JAK1: variants seen among roughly 807,000 people sequenced by gnomAD.
JAK1 encodes the protein tyrosine-protein kinase JAK1.
A neutral mutation model predicts 136.6 loss-of-function variants in JAK1; 16 were observed. The observed-to-expected ratio is 0.12, with a 90% CI of 0.08 to 0.18. JAK1 has a LOEUF of 0.18. Among genes scored for constraint, JAK1 ranks in the 10% least tolerant of loss-of-function variants. The pLI, the probability that JAK1 is intolerant of heterozygous loss-of-function variation, is 1.00. For missense variants in JAK1, 859 were observed against 1,450.1 expected, an observed-to-expected ratio of 0.59 and a Z score of 6.62; for synonymous variants, 492 against 519.5, an observed-to-expected ratio of 0.95 and a Z score of 0.72.
intron 15 of JAK1, 126 bp from the exon 16 acceptor site, chr1:64,845,015 G>T: frequency 1.6e-6 from 2 of 1,283,098 alleles, no homozygotes; most frequent in South Asian, 2.7e-5. Flanking sequence ...TGGCCCTGCT[G>T]CCAATCATCT....
chr1:65,061,874 A>AT lies in JAK1; in HGVS notation c.-181+5729_-181+5730insA, dbSNP rs532165126. Reference sequence around the variant, plus strand: ...CTCTTTTATGGAAAAAGAAATAGGCAGAAAGGCAAGAAAATGTCAAGGACC... The same window carrying AT: ...CTCTTTTATGGAAAAAGAAATAGGCATGAAAGGCAAGAAAATGTCAAGGACC... On this transcript the variant is annotated intron_variant, in intron 1 of 25. Coordinates refer to the JAK1 transcript ENST00000671954. Among the ~76,000 whole-genome samples, 81 of 152,354 alleles carry AT rather than the reference A, an allele frequency of 5.3e-4. 1 individual carries two copies. In the South Asian group the frequency reaches 0.017, roughly 32 times the overall value.
chr1:64,947,893 A>G (rs1318052737), intron 1 of JAK1, among the ~76,000 whole-genome samples: 2 of 152,150 alleles, frequency 1.3e-5, no homozygotes, highest in Non-Finnish European at 2.9e-5. Context: ...TCTATACTAT[A>G]TAATATAGAG....
At chr1:65,038,613 G>C (rs1647099179) in intron 2 of JAK1, among the ~76,000 whole-genome samples, 1 of 151,968 alleles carries the variant, frequency 6.6e-6, no homozygotes, top group South Asian at 2.1e-4. Context: ...TAACTTTTAT[G>C]TCAAACCTCC....
intron 10 of JAK1, among the ~76,000 whole-genome samples, chr1:64,856,671 G>T (rs571643425): frequency 6.6e-6 from 1 of 152,284 alleles, no homozygotes; most frequent in Non-Finnish European, 1.5e-5. Flanking sequence ...AAGCATTCTG[G>T]GAAGGCAATG....
At chr1:64,862,945 G>A (rs1442646061) in intron 8 of JAK1, among the ~76,000 whole-genome samples, 1 of 152,158 alleles carries the variant, frequency 6.6e-6, no homozygotes, top group African/African-American at 2.4e-5. Context: ...GTTCTTACAA[G>A]GACTAAGACA....
At chr1:64,983,259 T>G (rs2100701670) in intron 2 of JAK1, among the ~76,000 whole-genome samples, 1 of 152,254 alleles carries the variant, frequency 6.6e-6, no homozygotes, top group South Asian at 2.1e-4. Flanking sequence ...CACTGCACAC[T>G]GACTCATACT....
At chr1:64,936,686 G>T (rs752124953) in intron 1 of JAK1, among the ~76,000 whole-genome samples, 3 of 152,122 alleles carry the variant, frequency 2.0e-5, no homozygotes, top group Non-Finnish European at 4.4e-5. Flanking sequence ...ATCCTAAAAA[G>T]CAGGAAAACA....
intron 1 of JAK1, among the ~76,000 whole-genome samples, chr1:65,052,437 GGAGGCCGAGGCAGGTGGATCACCT>G (rs752215029): frequency 3.3e-5 from 5 of 152,096 alleles, no homozygotes; most frequent in Non-Finnish European, 7.4e-5. Context: ...CAGCACTTTG[GGAGGCCGAGGCAGGTGGATCACCT>G]GAGGTCGGCA....
At chr1:64,926,215 A>G (rs577246327) in intron 1 of JAK1, among the ~76,000 whole-genome samples, 35 of 152,152 alleles carry the variant, frequency 2.3e-4, no homozygotes, top group Admixed American at 2.0e-3. Context: ...CCTCTCTCCT[A>G]CGGCCAGTGC....
chr1:64,882,448 A>G (rs2101253420), intron 3 of JAK1, among the ~76,000 whole-genome samples: 1 of 152,362 alleles, frequency 6.6e-6, no homozygotes, highest in South Asian at 2.1e-4. Flanking sequence ...TAATTTACAT[A>G]TTATAAAATT....
chr1:64,976,834 C>T (rs909720089), intron 2 of JAK1, among the ~76,000 whole-genome samples: 3 of 152,118 alleles, frequency 2.0e-5, no homozygotes, highest in African/African-American at 7.2e-5. Context: ...AGGTTAACAA[C>T]CACCTTTTCC....
chr1:64,999,331 A>C (rs1254639547), intron 2 of JAK1, among the ~76,000 whole-genome samples: 1 of 152,302 alleles, frequency 6.6e-6, no homozygotes, highest in Admixed American at 6.5e-5. Flanking sequence ...ATTTGAACAC[A>C]TACCTGGGCA....
chr1:64,899,552 C>A (rs1034937205), intron 1 of JAK1, among the ~76,000 whole-genome samples: 2 of 152,062 alleles, frequency 1.3e-5, no homozygotes, highest in Admixed American at 6.6e-5. Flanking sequence ...CAACCCAAAT[C>A]AAAAAATCTG....
intron 1 of JAK1, among the ~76,000 whole-genome samples, chr1:64,935,629 A>G (rs750948855): frequency 5.3e-5 from 8 of 152,116 alleles, no homozygotes; most frequent in Admixed American, 1.3e-4. Context: ...CAACTCTCCA[A>G]CAACCTGTCC....
upstream of JAK1, among the ~76,000 whole-genome samples, chr1:64,970,532 G>T (rs1200034250): frequency 6.6e-6 from 1 of 152,102 alleles, no homozygotes; most frequent in East Asian, 1.9e-4. Flanking sequence ...AAGGCAGGTG[G>T]ATCACCTGAC....
At chr1:64,916,663 C>A (rs1304236509) in intron 1 of JAK1, among the ~76,000 whole-genome samples, 1 of 151,868 alleles carries the variant, frequency 6.6e-6, no homozygotes, top group African/African-American at 2.4e-5. Flanking sequence ...CATAGTGAAA[C>A]CCTGTCTCTG....
chr1:64,953,659 A>T (rs537182118), intron 1 of JAK1, among the ~76,000 whole-genome samples: 32 of 151,992 alleles, frequency 2.1e-4, no homozygotes, highest in African/African-American at 7.7e-4. Context: ...AAAAACAAAA[A>T]ATTTTTTTTT....
chr1:64,987,764 G>C (rs1646613605), intron 2 of JAK1: 1 of 152,210 alleles, frequency 6.6e-6, no homozygotes, highest in Non-Finnish European at 1.5e-5. Flanking sequence ...TATTCTCTCT[G>C]TGATTGTGTT....
upstream of JAK1, among the ~76,000 whole-genome samples, chr1:64,967,801 A>G (rs145789595): frequency 1.2e-4 from 18 of 152,322 alleles, no homozygotes; most frequent in East Asian, 3.5e-3. Context: ...AGTGCCTTCC[A>G]GAAGTACAGA....
Sources: allele counts gnomAD v4.1 joint callset (sites outside exome capture counted in the v4.1 genomes callset), GRCh38; gene constraint gnomAD v4.1.1; transcripts MANE v1.5; gene names NCBI Gene and HGNC (gene_info 2026-07-23, HGNC 2026-07-21).